CNKSR2: variants seen among roughly 807,000 people sequenced by gnomAD.
The protein encoded by CNKSR2 is connector enhancer of kinase suppressor of Ras 2, also known as CNK homolog protein 2.
Under a neutral mutation model 84.4 loss-of-function variants are expected in CNKSR2, and 14 were observed. The ratio of observed to expected loss-of-function variants is 0.17; its 90% confidence interval spans 0.11 to 0.26. The LOEUF is 0.26. CNKSR2 is among the 10% of genes least tolerant of loss of function. The pLI is 1.00. For missense variants in CNKSR2, 485 were observed against 771.2 expected (o/e 0.63, Z 4.40); for synonymous variants, 275 against 277.9 (o/e 0.99, Z 0.10).
chrX:21,562,148 C>T (rs2092196647), intron 12 of CNKSR2, among the ~76,000 whole-genome samples: 1 of 110,796 alleles, frequency 9.0e-6, no homozygotes, highest in African/African-American at 3.3e-5. Context: ...TTCACTTATC[C>T]TGCTATAGAG....
In CNKSR2 at chrX:21,516,579, C is replaced by G. The variant is rs2091730050; in HGVS notation, c.905C>G (p.Thr302Ser). 8.3e-7 allele frequency: 1 copy of G among 1,206,992 alleles called. No homozygotes were observed. Among genetic ancestry groups the G allele is most frequent in the African/African-American group, 1.8e-5 (1 of 56,791 alleles). ...AAAAAGCGACCTCAGAGCATGCTTA[C>G]CTCAGCACCAGCTTTACTGAAAAAT... ...TLKKRPQSMLTSAPALLKNMR... is the reference protein window; with the variant it reads ...TLKKRPQSMLSSAPALLKNMR... The change falls in exon 9 of 22, where the codon ACC becomes AGC. Residue 302 changes from threonine (T) to serine (S), a missense_variant. By Grantham distance (58) the Thr-to-Ser change is moderately conservative (BLOSUM62 1). This residue lies in a region of CNKSR2 where 4 missense variants were observed against 36.6 expected (regional missense o/e 0.11). Transcript: ENST00000379510.
intron 11 of CNKSR2, among the ~76,000 whole-genome samples, chrX:21,557,514 A>G (rs1449039786): frequency 9.0e-6 from 1 of 111,132 alleles, no homozygotes; most frequent in Non-Finnish European, 1.9e-5. Context: ...CTCTATGGAG[A>G]CACCAATTAA....
At chrX:21,589,509 A>G (rs935070787) in intron 13 of CNKSR2, among the ~76,000 whole-genome samples, 3 of 112,357 alleles carry the variant, frequency 2.7e-5, no homozygotes, top group African/African-American at 9.7e-5. Flanking sequence ...TTAAAAGCAC[A>G]CATGCTATCT....
intron 5 of CNKSR2, among the ~76,000 whole-genome samples, chrX:21,474,509 T>A (rs936554862): frequency 2.9e-4 from 33 of 112,169 alleles, no homozygotes; most frequent in Non-Finnish European, 1.7e-4. Flanking sequence ...ATCTGCTGGC[T>A]CTAATCCAAT....
intron 4 of CNKSR2, among the ~76,000 whole-genome samples, chrX:21,444,193 TA>T (rs914925583): frequency 4.5e-5 from 5 of 111,855 alleles, no homozygotes; most frequent in Admixed American, 9.5e-5. Context: ...AGAAAGATTA[TA>T]AAATTTTGTT....
At chrX:21,502,617 A>G (rs1177449284) in intron 8 of CNKSR2, among the ~76,000 whole-genome samples, 1 of 110,955 alleles carries the variant, frequency 9.0e-6, no homozygotes, top group African/African-American at 3.3e-5. Context: ...TGACATTTCA[A>G]TTTTGGTTTT....
At chrX:21,561,757 A>G (rs1394992556) in intron 12 of CNKSR2, among the ~76,000 whole-genome samples, 197 bp downstream of exon 12, 1 of 111,473 alleles carries the variant, frequency 9.0e-6, no homozygotes, top group Non-Finnish European at 1.9e-5. Context: ...AATGCCTTCT[A>G]AGGGGTTCCA....
chrX:21,483,885 AAAAC>A (rs2091350453), intron 5 of CNKSR2, among the ~76,000 whole-genome samples: 1 of 111,262 alleles, frequency 9.0e-6, no homozygotes, highest in Non-Finnish European at 1.9e-5. Flanking sequence ...TATTTTATAA[AAAAC>A]AAAGCCTCCC....
intron 1 of CNKSR2, among the ~76,000 whole-genome samples, chrX:21,410,125 G>C (rs1316718009): frequency 9.2e-6 from 1 of 108,549 alleles, no homozygotes; most frequent in Non-Finnish European, 1.9e-5. Context: ...AAAAAATCAA[G>C]TCTCTTTTTG....
intron 6 of CNKSR2, chrX:21,494,537 T>C (rs1342435405): frequency 8.9e-6 from 1 of 111,889 alleles, no homozygotes; most frequent in Non-Finnish European, 1.9e-5. Context: ...CAGGGCAGGC[T>C]GCTCCTGAGG....
chrX:21,426,678 G>A lies in CNKSR2; in HGVS notation c.228+18G>A. On this transcript the variant is annotated intron_variant, in intron 2 of 21. Coordinates refer to ENST00000379510, the MANE Select transcript of CNKSR2 (RefSeq NM_014927.5). The stretch of plus-strand genomic sequence containing the variant: ...GTGCATTGGTAAGGACATAAAACTG[G>A]TGAAGAGGGAAACTTCTCTTTTTCT... 3.4e-6 allele frequency: 4 copies of A among 1,164,864 alleles called. No homozygotes were observed. The highest frequency in any genetic ancestry group is 4.1e-5 in the South Asian group (2 of 49,292).
At position 21,628,266 on chromosome X, in the gene CNKSR2, C is replaced by T. The variant is rs1287591954; in HGVS notation, c.2692+18649C>T. On this transcript the variant is annotated intron_variant, in intron 20 of 21. Transcript: ENST00000379510. Reference sequence around the variant, plus strand: ...TGGCTTTGCAGGGTACAACCTCTCTCGGCTGCTTTCACAGGCTGGCATTGA... The same window carrying T: ...TGGCTTTGCAGGGTACAACCTCTCTTGGCTGCTTTCACAGGCTGGCATTGA... Among the ~76,000 whole-genome samples the T allele has an allele frequency of 2.7e-5, 3 of 111,759 alleles. No individual in the cohort carries two copies. In the Admixed American group the frequency reaches 2.8e-4, roughly 11 times the overall value.
Position 21,438,860 on chromosome X carries a change from G to A in CNKSR2, c.432-1834G>A, listed in dbSNP as rs145196843. ...CAAAGCCCACCAAAACGTAACAGAT[G>A]AGTATATAAGTAGGTAAATCAAAAA... On this transcript the variant is annotated intron_variant, in intron 3 of 21. Transcript: ENST00000379510. 8.4e-3 allele frequency among the ~76,000 whole-genome samples: 932 copies of A among 111,096 alleles called. 6 individuals are homozygous for A. Among genetic ancestry groups the A allele is most frequent in the African/African-American group, 0.027 (839 of 30,594 alleles).
chrX:21,374,647 C>CCGCCTT lies in CNKSR2; in HGVS notation c.-250_-249insGCCTTC. The CCGCCTT allele has an allele frequency of 1.9e-6, 1 of 523,678 alleles. No individual in the cohort carries two copies. Among genetic ancestry groups the CCGCCTT allele is most frequent in the Non-Finnish European group, 3.4e-6 (1 of 296,699 alleles). 43.2% of individuals were successfully genotyped at this position (523,678 alleles called of 1,213,427 possible). ...GCAGCAGCAGCCGCCGCCGCCGCCGCCTTAGCGGGAACTGAGCAGACCCGG... is the reference window on the plus strand; with the variant it reads ...GCAGCAGCAGCCGCCGCCGCCGCCGCCGCCTTCTTAGCGGGAACTGAGCAGACCCGG... On this transcript the variant is annotated 5_prime_UTR_variant, in exon 1 of 22. Transcript: ENST00000379510.
intron 13 of CNKSR2, among the ~76,000 whole-genome samples, chrX:21,587,530 G>A (rs755297633): frequency 2.7e-5 from 3 of 111,431 alleles, no homozygotes; most frequent in Non-Finnish European, 3.8e-5. Flanking sequence ...TATGAATTAC[G>A]GTCATATGTC....
rs746456624 is a variant in CNKSR2, at chrX:21,430,999, A to T, written c.229-1613A>T. 5.3e-5 allele frequency among the ~76,000 whole-genome samples: 6 copies of T among 112,499 alleles called. No individual in the cohort carries two copies. The South Asian group carries it at 2.2e-3, about 40-fold the overall frequency. On this transcript the variant is annotated intron_variant, in intron 2 of 21. Transcript: ENST00000379510. Reference sequence around the variant, plus strand: ...TTTTAGAAAACAAATTTATAACTTTAGAAGAAAGTGTTCTTTTAATAAATA... The same window carrying T: ...TTTTAGAAAACAAATTTATAACTTTTGAAGAAAGTGTTCTTTTAATAAATA...
chrX:21,505,940 A>G (rs961964148), intron 8 of CNKSR2: 6 of 109,000 alleles, frequency 5.5e-5, no homozygotes, highest in African/African-American at 1.7e-4. Flanking sequence ...TTTCTTTATC[A>G]TTCTCATCTC....
intron 1 of CNKSR2, among the ~76,000 whole-genome samples, chrX:21,397,909 C>G (rs768002002): frequency 9.0e-6 from 1 of 111,650 alleles, no homozygotes; most frequent in East Asian, 2.8e-4. Flanking sequence ...TTTGAAAGAT[C>G]AAGGCTGCTG....
chrX:21,462,453 C>T (rs1165807392), intron 4 of CNKSR2, among the ~76,000 whole-genome samples: 1 of 110,953 alleles, frequency 9.0e-6, no homozygotes, highest in African/African-American at 3.3e-5. Flanking sequence ...AGATTTTTCC[C>T]AATTTAAGAT....
Sources: gnomAD v4.1 joint callset for allele counts (sites outside exome capture counted in the v4.1 genomes callset) on GRCh38, gnomAD v4.1.1 for gene constraint, gnomAD v4.1.1 regional missense constraint, MANE v1.5 for transcripts, NCBI Gene and HGNC (gene_info 2026-07-23, HGNC 2026-07-21) for gene names.